Variants in AUTS2 observed in about 807,000 individuals in gnomAD.
The protein encoded by AUTS2 is activator of transcription and developmental regulator AUTS2, also known as autism susceptibility gene 2 protein.
A neutral mutation model predicts 112.4 loss-of-function variants in AUTS2; 17 were observed. The ratio of observed to expected loss-of-function variants is 0.15; its 90% confidence interval spans 0.10 to 0.23. AUTS2 has a LOEUF of 0.23. Among genes scored for constraint, AUTS2 ranks in the 10% least tolerant of loss-of-function variants. The pLI is 1.00. For synonymous variants in AUTS2, 751 were observed against 702.7 expected (o/e 1.07, Z -1.09); for missense variants, 1,510 against 1,701.6 (o/e 0.89, Z 1.98).
At chr7:69,618,010 C>T (rs962516484) in intron 1 of AUTS2, among the ~76,000 whole-genome samples, 2 of 152,228 alleles carry the variant, frequency 1.3e-5, no homozygotes, top group Non-Finnish European at 2.9e-5. Context: ...TGCATTAACA[C>T]ATCTAACCCT....
chr7:70,760,206 C>G (rs537805809), intron 6 of AUTS2, among the ~76,000 whole-genome samples: 7 of 152,172 alleles, frequency 4.6e-5, no homozygotes, highest in Non-Finnish European at 1.0e-4. Flanking sequence ...AGGGTTTCAC[C>G]GTGTTAGCCA....
At chr7:69,909,340 C>T (rs1675959829) in intron 2 of AUTS2, among the ~76,000 whole-genome samples, 1 of 152,162 alleles carries the variant, frequency 6.6e-6, no homozygotes, top group Non-Finnish European at 1.5e-5. Flanking sequence ...TTCTAGTATT[C>T]TCTCCTTAGG....
At chr7:70,521,767 G>A (rs73177713) in intron 5 of AUTS2, among the ~76,000 whole-genome samples, 2,155 of 152,182 alleles carry the variant, frequency 0.014, 19 homozygotes, top group South Asian at 0.043. Flanking sequence ...ATAGCATGGC[G>A]TTTGTTATTT....
intron 2 of AUTS2, among the ~76,000 whole-genome samples, chr7:70,108,445 A>G (rs1804885973): frequency 6.6e-6 from 1 of 152,146 alleles, no homozygotes; most frequent in Admixed American, 6.5e-5. Context: ...AGTAAAGATA[A>G]CGGTATAATG....
chr7:69,665,584 T>A (rs1343714152), intron 1 of AUTS2, among the ~76,000 whole-genome samples: 2 of 152,230 alleles, frequency 1.3e-5, no homozygotes, highest in Non-Finnish European at 2.9e-5. Flanking sequence ...TGATGTGGTC[T>A]CTTCATTACT....
chr7:69,607,403 G>GT (rs1472614273), intron 1 of AUTS2, among the ~76,000 whole-genome samples: 1 of 152,156 alleles, frequency 6.6e-6, no homozygotes, highest in East Asian at 1.9e-4. Flanking sequence ...TATGAATGCT[G>GT]TTAATAAAAG....
chr7:69,717,610 G>A (rs1341219830), intron 1 of AUTS2, among the ~76,000 whole-genome samples: 2 of 152,126 alleles, frequency 1.3e-5, no homozygotes, highest in African/African-American at 4.8e-5. Flanking sequence ...TTTTTTTGAA[G>A]TATCCTGCTT....
intron 2 of AUTS2, among the ~76,000 whole-genome samples, chr7:70,055,996 A>AT (rs1554437810): frequency 1.3e-5 from 2 of 150,662 alleles, no homozygotes; most frequent in African/African-American, 4.9e-5. Flanking sequence ...TTTTATTGTT[A>AT]TTTTTTTCAG....
intron 1 of AUTS2, among the ~76,000 whole-genome samples, chr7:69,676,954 CTCA>C (rs1796593673): frequency 6.6e-6 from 1 of 152,010 alleles, no homozygotes; most frequent in Admixed American, 6.6e-5. Context: ...CACACAGCTT[CTCA>C]TCATTCATTT....
chr7:70,596,254 C>G (rs530162586), intron 5 of AUTS2: 1 of 152,332 alleles, frequency 6.6e-6, no homozygotes, highest in African/African-American at 2.4e-5. Context: ...GTCTGATCGC[C>G]GCCCGGGAGC....
chr7:70,552,321 G>C (rs551170058), intron 5 of AUTS2, among the ~76,000 whole-genome samples: 1 of 152,244 alleles, frequency 6.6e-6, no homozygotes, highest in East Asian at 1.9e-4. Context: ...GAACCTGTTT[G>C]CATGTTTGTT....
intron 2 of AUTS2, among the ~76,000 whole-genome samples, chr7:69,987,128 G>A (rs986037362): frequency 1.6e-4 from 24 of 152,098 alleles, no homozygotes; most frequent in Non-Finnish European, 2.5e-4. Flanking sequence ...ATTTCTCTTC[G>A]CTGGATTAAG....
rs560242822 is a variant in AUTS2, at chr7:70,520,732, A to C, written c.690+84951A>C. Among the ~76,000 whole-genome samples, 3 of 152,206 alleles carry C rather than the reference A, an allele frequency of 2.0e-5. No homozygotes were observed. In the East Asian group the frequency reaches 5.8e-4, roughly 29 times the overall value. ...CTGCCCCTTTCTTGGCACCTTGAGC[A>C]GTGCCTGGTACAAATGAGCGGCTGA... On this transcript the variant is annotated intron_variant, in intron 5 of 18. Transcript: ENST00000342771.
At chr7:69,841,988 A>C (rs1361114279) in intron 1 of AUTS2, among the ~76,000 whole-genome samples, 1 of 152,182 alleles carries the variant, frequency 6.6e-6, no homozygotes, top group Admixed American at 6.6e-5. Flanking sequence ...TGATTTTGGC[A>C]AAGTTTTAAC....
chr7:70,693,708 C>A (rs1268416505), intron 5 of AUTS2, among the ~76,000 whole-genome samples: 3 of 152,260 alleles, frequency 2.0e-5, no homozygotes, highest in African/African-American at 7.2e-5. Flanking sequence ...CTGCTCTTTG[C>A]AGATGTGACT....
chr7:70,680,526 C>G (rs1255044712), intron 5 of AUTS2, among the ~76,000 whole-genome samples: 1 of 152,230 alleles, frequency 6.6e-6, no homozygotes, highest in Non-Finnish European at 1.5e-5. Flanking sequence ...GGTCGGTTCT[C>G]TAATCTGCCT....
intron 5 of AUTS2, among the ~76,000 whole-genome samples, chr7:70,609,955 G>GTTT (rs199603230): frequency 9.8e-6 from 1 of 101,734 alleles, no homozygotes; most frequent in African/African-American, 4.3e-5. Context: ...TGGAAGTTCT[G>GTTT]TTTTTTGTTG....
intron 4 of AUTS2, among the ~76,000 whole-genome samples, chr7:70,309,732 TA>T (rs1789651509): frequency 2.6e-5 from 4 of 152,232 alleles, no homozygotes; most frequent in Admixed American, 2.6e-4. Flanking sequence ...TTTACAATTA[TA>T]GTAAAACTTA....
At chr7:70,295,412 T>C (rs533473288) in intron 4 of AUTS2, among the ~76,000 whole-genome samples, 1 of 152,354 alleles carries the variant, frequency 6.6e-6, no homozygotes, top group South Asian at 2.1e-4. Context: ...TCTAGAATGC[T>C]GACTCCTACT....
Sources: gnomAD v4.1 joint callset for allele counts (sites outside exome capture counted in the v4.1 genomes callset) on GRCh38, gnomAD v4.1.1 for gene constraint, MANE v1.5 for transcripts, NCBI Gene and HGNC (gene_info 2026-07-23, HGNC 2026-07-21) for gene names.